Variants in KCNAB1 observed in about 807,000 individuals in gnomAD.
The protein encoded by KCNAB1 is voltage-gated potassium channel subunit beta-1.
A neutral mutation model predicts 64.6 loss-of-function variants in KCNAB1; 35 were observed. That is an observed-to-expected ratio of 0.54 (90% CI 0.41 to 0.72). KCNAB1 has a LOEUF of 0.72. KCNAB1 is among the 30% of genes least tolerant of loss of function. The pLI is 0.00. For missense variants in KCNAB1, 401 were observed against 512.9 expected (o/e 0.78, Z 2.11); for synonymous variants, 177 against 183.8 (o/e 0.96, Z 0.30).
intron 2 of KCNAB1, among the ~76,000 whole-genome samples, chr3:156,434,211 A>G (rs1716429133): frequency 6.6e-6 from 1 of 152,232 alleles, no homozygotes; most frequent in Non-Finnish European, 1.5e-5. Flanking sequence ...ATTTAACTCC[A>G]GGAGTCACTT....
At chr3:156,514,018 G>T (rs1401113797) in intron 8 of KCNAB1, among the ~76,000 whole-genome samples, 1 of 152,064 alleles carries the variant, frequency 6.6e-6, no homozygotes, top group East Asian at 1.9e-4. Flanking sequence ...TAGTCGGGAA[G>T]GTACTCAGGC....
chr3:156,185,533 A>G (rs1184666291), intron 1 of KCNAB1, among the ~76,000 whole-genome samples: 1 of 152,230 alleles, frequency 6.6e-6, no homozygotes, highest in Non-Finnish European at 1.5e-5. Context: ...TCATAAGGAA[A>G]TGAAGGCCCA....
chr3:156,397,078 G>A (rs76316842), intron 1 of KCNAB1, among the ~76,000 whole-genome samples: 2,886 of 152,272 alleles, frequency 0.019, 89 homozygotes, highest in African/African-American at 0.065. Context: ...AACACACTTG[G>A]CTACCAGAAA....
intron 2 of KCNAB1, chr3:156,441,445 G>A (rs1194780081): frequency 2.0e-5 from 3 of 151,442 alleles, no homozygotes; most frequent in African/African-American, 7.3e-5. Context: ...AAAACCAAAA[G>A]ATAAATAAAA....
intron 8 of KCNAB1, among the ~76,000 whole-genome samples, chr3:156,505,909 G>A (rs1425419207): frequency 1.3e-5 from 2 of 152,280 alleles, no homozygotes; most frequent in South Asian, 2.1e-4. Flanking sequence ...AACTGAGTGA[G>A]TGAGAACTCT....
chr3:156,357,810 A>G (rs965336993), intron 1 of KCNAB1, among the ~76,000 whole-genome samples: 1 of 148,566 alleles, frequency 6.7e-6, no homozygotes, highest in Non-Finnish European at 1.5e-5. Context: ...TAAATATTAT[A>G]TATTTAATTA....
rs576429878 is a variant in KCNAB1, at chr3:156,266,694, C to T, written c.275+145808C>T. Among the ~76,000 whole-genome samples, 3 of 152,272 alleles carry T rather than the reference C, an allele frequency of 2.0e-5. No homozygotes were observed. The South Asian group carries it at 6.2e-4, about 32-fold the overall frequency. The stretch of plus-strand genomic sequence containing the variant: ...TGTCCTTAGTGGATCAGACCACTCC[C>T]TGCCTGACTTCTCAACAGTAATCCA... On this transcript the variant is annotated intron_variant, in intron 1 of 13. Transcript: ENST00000490337.
chr3:156,292,417 A>G (rs1440635879), intron 1 of KCNAB1, among the ~76,000 whole-genome samples: 1 of 152,228 alleles, frequency 6.6e-6, no homozygotes, highest in Non-Finnish European at 1.5e-5. Flanking sequence ...TGGAACTGGT[A>G]TTTAGATCAG....
chr3:156,138,371 A>C (rs1245564617), intron 1 of KCNAB1, among the ~76,000 whole-genome samples: 3 of 152,152 alleles, frequency 2.0e-5, no homozygotes, highest in Non-Finnish European at 2.9e-5. Context: ...GTCCAAATTG[A>C]CTTGGTTGGT....
chr3:156,514,722 T>C (rs904211482), intron 9 of KCNAB1, among the ~76,000 whole-genome samples: 1 of 152,254 alleles, frequency 6.6e-6, no homozygotes, highest in African/African-American at 2.4e-5. Context: ...AGTTTTCTTA[T>C]AAAAAACTGT....
chr3:156,236,863 A>G (rs543942670), intron 1 of KCNAB1, among the ~76,000 whole-genome samples: 21 of 152,294 alleles, frequency 1.4e-4, no homozygotes, highest in Middle Eastern at 3.4e-3. Context: ...TCTAGCTTTT[A>G]TAGTTAGGCA....
At chr3:156,258,021 T>C (rs1399235289) in intron 1 of KCNAB1, among the ~76,000 whole-genome samples, 1 of 152,176 alleles carries the variant, frequency 6.6e-6, no homozygotes, top group Non-Finnish European at 1.5e-5. Flanking sequence ...GCAGGTCCTT[T>C]CCTTGCAATA....
chr3:156,344,391 C>T (rs1322724575), intron 1 of KCNAB1, among the ~76,000 whole-genome samples: 1 of 152,206 alleles, frequency 6.6e-6, no homozygotes, highest in African/African-American at 2.4e-5. Flanking sequence ...AAAGCTGCTG[C>T]TGCTGACTGC....
chr3:156,405,777 C>T (rs562581992), intron 1 of KCNAB1, among the ~76,000 whole-genome samples: 1 of 152,118 alleles, frequency 6.6e-6, no homozygotes, highest in Non-Finnish European at 1.5e-5. Context: ...CATAATAACA[C>T]ATCCTATTGA....
chr3:156,480,687 G>A (rs548227736), intron 8 of KCNAB1, among the ~76,000 whole-genome samples: 9 of 151,922 alleles, frequency 5.9e-5, no homozygotes, highest in Non-Finnish European at 1.3e-4. Context: ...TCCCTACTAA[G>A]TCTTTGAAAT....
intron 1 of KCNAB1, among the ~76,000 whole-genome samples, chr3:156,294,641 G>A (rs1020658255): frequency 5.3e-5 from 8 of 152,132 alleles, no homozygotes; most frequent in African/African-American, 1.9e-4. Context: ...CAAAAATAAT[G>A]CCATAGAATA....
rs562867364 is a variant in KCNAB1, at chr3:156,329,911, T to G, written c.276-91705T>G. On this transcript the variant is annotated intron_variant, in intron 1 of 13. Coordinates refer to ENST00000490337, the MANE Select transcript of KCNAB1 (RefSeq NM_172160.3). The stretch of plus-strand genomic sequence containing the variant: ...ATGCTTTCCTTTTTCAACACTTGCA[T>G]TTACATAAGCTCAGAGTTTATAATC... Among the ~76,000 whole-genome samples the G allele has an allele frequency of 3.3e-5, 5 of 152,144 alleles. No homozygotes were observed. The South Asian group carries it at 1.0e-3, about 32-fold the overall frequency.
chr3:156,136,759 C>T (rs1304968670), intron 1 of KCNAB1, among the ~76,000 whole-genome samples: 1 of 152,228 alleles, frequency 6.6e-6, no homozygotes, highest in African/African-American at 2.4e-5. Flanking sequence ...GACCATTTCC[C>T]TTCGTTTAGC....
intron 1 of KCNAB1, among the ~76,000 whole-genome samples, chr3:156,416,472 C>G (rs1715086689): frequency 6.6e-6 from 1 of 152,170 alleles, no homozygotes; most frequent in African/African-American, 2.4e-5. Context: ...AAGTTTCTTC[C>G]TACTCTTCCT....
Sources: allele counts gnomAD v4.1 joint callset (sites outside exome capture counted in the v4.1 genomes callset), GRCh38; gene constraint gnomAD v4.1.1; transcripts MANE v1.5; gene names NCBI Gene and HGNC (gene_info 2026-07-23, HGNC 2026-07-21).